SLC26A8: variants seen among roughly 807,000 people sequenced by gnomAD.
SLC26A8 encodes the protein solute carrier family 26 member 8.
In SLC26A8, 70 loss-of-function variants were observed where a neutral mutation model predicts 105.0. The observed-to-expected ratio is 0.67, with a 90% confidence interval of 0.55 to 0.81. The LOEUF (loss-of-function observed/expected upper bound fraction) is 0.81. Among genes scored for constraint, SLC26A8 ranks in the 40% least tolerant of loss-of-function variants. The pLI is 0.00. For missense variants in SLC26A8, 998 were observed against 1,181.8 expected (o/e 0.84, Z 2.28); for synonymous variants, 415 against 438.3 (o/e 0.95, Z 0.66).
chr6:35,992,224 A>G lies in SLC26A8; in HGVS notation c.792+286T>C, dbSNP rs539851044. 2.0e-5 allele frequency among the ~76,000 whole-genome samples: 3 copies of G among 152,358 alleles called. No homozygotes were observed. The South Asian group carries it at 6.2e-4, about 32-fold the overall frequency. ...AAGATAGGTAATGAGAAGAACTGTG[A>G]TAGATACAATATCTTAAAGGCCAAA... On this transcript the variant is annotated intron_variant, in intron 6 of 19. Transcript: ENST00000490799.
intron 17 of SLC26A8, 43 bp downstream of exon 17, chr6:35,955,109 G>C: frequency 3.7e-6 from 6 of 1,612,320 alleles, no homozygotes; most frequent in Middle Eastern, 3.3e-4. Context: ...TGGGATGGTA[G>C]GAGGGGGATC....
rs529584784 is a variant in SLC26A8 at position 35,993,917 on chromosome 6, A to G, written c.628-1243T>C. Among the ~76,000 whole-genome samples, 104 of 152,218 alleles carry G rather than the reference A, an allele frequency of 6.8e-4. 1 individual carries two copies. Among genetic ancestry groups the G allele is most frequent in the Middle Eastern group, 3.4e-3 (1 of 294 alleles). ...TAGGTTAAGAAAACTGGCACAGCCC[A>G]ATGAAGACTTTTCAGTAAGCAGGGT... On this transcript the variant is annotated intron_variant, in intron 5 of 19. Transcript: ENST00000490799.
At chr6:35,992,733 A>T in intron 5 of SLC26A8, 59 bp from the exon 6 acceptor site, 2 of 1,497,030 alleles carry the variant, frequency 1.3e-6, no homozygotes, top group South Asian at 2.7e-5. Context: ...AATGGCACCA[A>T]TGGCACTCTC....
chr6:36,015,215 C>T (rs1761963744), intron 2 of SLC26A8, among the ~76,000 whole-genome samples: 1 of 151,502 alleles, frequency 6.6e-6, no homozygotes, highest in African/African-American at 2.4e-5. Context: ...CTGGTTCAAG[C>T]AATTCTCCTG....
At chr6:35,976,666 G>A (rs1421322011) in intron 9 of SLC26A8, among the ~76,000 whole-genome samples, 3 of 147,098 alleles carry the variant, frequency 2.0e-5, no homozygotes, top group Non-Finnish European at 3.0e-5. Context: ...TCTGCCTCCC[G>A]AGTAGCTGGG....
intron 11 of SLC26A8, among the ~76,000 whole-genome samples, chr6:35,964,169 A>T (rs1772414153): frequency 6.6e-6 from 1 of 152,192 alleles, no homozygotes; most frequent in Non-Finnish European, 1.5e-5. Context: ...TGATCATGCC[A>T]CTGCACTCCA....
intron 3 of SLC26A8, among the ~76,000 whole-genome samples, chr6:36,008,659 C>A (rs1228321075): frequency 6.6e-6 from 1 of 152,048 alleles, no homozygotes; most frequent in Non-Finnish European, 1.5e-5. Flanking sequence ...CCAGAATCTA[C>A]AAAGAATTCT....
In SLC26A8 at chr6:36,012,277, T is replaced by C; in HGVS notation, c.284A>G (p.Asp95Gly). 6.2e-7 allele frequency: 1 copy of C among 1,611,980 alleles called. No homozygotes were observed. The highest frequency in any genetic ancestry group is 8.5e-7 in the Non-Finnish European group (1 of 1,179,384). Residue 95 changes from aspartate to glycine, a missense_variant, in exon 3 of 20, where the codon GAC becomes GGC. Transcript: ENST00000490799. ...MYRLKDWLLG[D>G]LLAGISVGLV... is the part of the protein sequence containing the mutation. Reference sequence around the variant, plus strand: ...GCCAACACTTATACCAGCAAGTAAGTCTCCCAGAAGCCAATCCTTTAATCG... The same window carrying C: ...GCCAACACTTATACCAGCAAGTAAGCCTCCCAGAAGCCAATCCTTTAATCG...
intron 16 of SLC26A8, among the ~76,000 whole-genome samples, chr6:35,958,786 T>C (rs1247757410): frequency 2.0e-5 from 3 of 152,004 alleles, no homozygotes; most frequent in Non-Finnish European, 4.4e-5. Flanking sequence ...CCAGAGTGAG[T>C]GCTGTAGACT....
At chr6:35,944,389 T>G in intron 19 of SLC26A8, 49 bp from the exon 20 acceptor site, 1 of 1,368,636 alleles carries the variant, frequency 7.3e-7, no homozygotes, top group Non-Finnish European at 1.0e-6. Flanking sequence ...TTTAACCTTC[T>G]GCTGAACGCA....
At chr6:35,972,798 G>T (rs2127317656) in intron 10 of SLC26A8, among the ~76,000 whole-genome samples, 2 of 152,340 alleles carry the variant, frequency 1.3e-5, no homozygotes, top group South Asian at 4.1e-4. Flanking sequence ...AAATGGGCTT[G>T]CTCAGGGGTT....
At chr6:35,957,491 G>T (rs1772121836) in intron 16 of SLC26A8, among the ~76,000 whole-genome samples, 2 of 152,076 alleles carry the variant, frequency 1.3e-5, no homozygotes, top group Non-Finnish European at 2.9e-5. Flanking sequence ...AAAGGAGAGA[G>T]CTGTTCCCAA....
intron 3 of SLC26A8, among the ~76,000 whole-genome samples, chr6:36,010,991 C>T (rs1761840860): frequency 6.6e-6 from 1 of 152,204 alleles, no homozygotes; most frequent in Non-Finnish European, 1.5e-5. Flanking sequence ...TGGATTTCAG[C>T]CACAGCTTGT....
chr6:36,013,784 C>T (rs1325174041), intron 2 of SLC26A8, among the ~76,000 whole-genome samples: 1 of 152,148 alleles, frequency 6.6e-6, no homozygotes, highest in East Asian at 1.9e-4. Context: ...ACTACAACAA[C>T]AAATATAACT....
chr6:35,968,637 A>C (rs1473054410), intron 11 of SLC26A8, among the ~76,000 whole-genome samples: 3 of 109,140 alleles, frequency 2.7e-5, no homozygotes, highest in East Asian at 2.5e-4. Context: ...ATATATATAT[A>C]TATATATATA....
At chr6:35,965,920 G>A (rs1177279457) in intron 11 of SLC26A8, among the ~76,000 whole-genome samples, 3 of 151,148 alleles carry the variant, frequency 2.0e-5, no homozygotes, top group Admixed American at 6.6e-5. Flanking sequence ...GAACCTGGGA[G>A]GCAGAGGTTG....
chr6:35,967,922 C>T (rs778631703), intron 11 of SLC26A8, among the ~76,000 whole-genome samples: 4 of 152,140 alleles, frequency 2.6e-5, no homozygotes, highest in Non-Finnish European at 4.4e-5. Flanking sequence ...GGCGTGATCT[C>T]AGCTCACTTC....
Position 35,944,133 on chromosome 6 carries a change from T to TCTCGGTCTCAGCCTTGGG in SLC26A8, c.2662_2679dup (p.Pro888_Glu893dup). On this transcript the variant is annotated inframe_insertion, in exon 20 of 20. Transcript: ENST00000490799. ...GGCTCCATCTCGGTCTGGGTCTTGG[T>TCTCGGTCTCAGCCTTGGG]CTCGGTCTCAGCCTTGGGCTCCATT... 6.2e-7 allele frequency: 1 copy of TCTCGGTCTCAGCCTTGGG among 1,614,010 alleles called. No individual in the cohort carries two copies. Among genetic ancestry groups the TCTCGGTCTCAGCCTTGGG allele is most frequent in the Non-Finnish European group, 8.5e-7 (1 of 1,179,998 alleles).
intron 7 of SLC26A8, among the ~76,000 whole-genome samples, chr6:35,988,847 T>G (rs1052223325): frequency 5.3e-5 from 8 of 150,114 alleles, no homozygotes; most frequent in Admixed American, 2.0e-4. Flanking sequence ...TACGGTTTTT[T>G]TTTTTTTTTT....
Sources: gnomAD v4.1 joint callset for allele counts (sites outside exome capture counted in the v4.1 genomes callset) on GRCh38, gnomAD v4.1.1 for gene constraint, MANE v1.5 for transcripts, NCBI Gene and HGNC (gene_info 2026-07-23, HGNC 2026-07-21) for gene names.